Variants in ZNF76 observed in about 807,000 individuals in gnomAD.
The protein encoded by ZNF76 is zinc finger protein 76.
ZNF76 carries 66 observed loss-of-function variants against 66.9 expected under a neutral mutation model. The observed-to-expected ratio is 0.99, with a 90% confidence interval of 0.81 to 1.21. ZNF76 has a LOEUF of 1.21. Ranked by LOEUF, ZNF76 falls within the 50% of genes most tolerant of loss-of-function variation. ZNF76 has a pLI of 0.00. For missense variants in ZNF76, 729 were observed against 760.3 expected, an observed-to-expected ratio of 0.96 and a Z score of 0.48; for synonymous variants, 275 against 296.1, an observed-to-expected ratio of 0.93 and a Z score of 0.73.
intron 1 of ZNF76, among the ~76,000 whole-genome samples, chr6:35,272,111 A>G (rs938304844): frequency 2.6e-5 from 4 of 152,022 alleles, no homozygotes; most frequent in African/African-American, 7.3e-5. Context: ...TCTCAAAGCA[A>G]CAACAACAAC....
At chr6:35,294,614 G>A in intron 13 of ZNF76, 45 bp downstream of exon 13, 1 of 1,354,580 alleles carries the variant, frequency 7.4e-7, no homozygotes, top group South Asian at 1.2e-5. Flanking sequence ...GGCCAGAGAA[G>A]TCAACAAGGA....
In ZNF76 at chr6:35,291,377, T is replaced by C; in HGVS notation, c.725T>C (p.Leu242Pro). The change falls in exon 8 of 14, where the codon CTG (leucine) becomes CCG (proline). Residue 242 changes from leucine to proline, a missense_variant. By Grantham distance (98) the Leu-to-Pro change is moderately conservative (BLOSUM62 -3). Transcript: ENST00000373953. The stretch of plus-strand genomic sequence containing the variant: ...AAGGCCTTCAAGACCTCAGGAGACC[T>C]GCAGAAGCATGTCCGTACCCACACT... ...CSKAFKTSGDLQKHVRTHTGE... is the reference protein window; with the variant it reads ...CSKAFKTSGDPQKHVRTHTGE... 1 of 1,614,144 alleles carries C rather than the reference T, an allele frequency of 6.2e-7. No homozygotes were observed. Among genetic ancestry groups the C allele is most frequent in the Non-Finnish European group, 8.5e-7 (1 of 1,180,012 alleles).
intron 1 of ZNF76, among the ~76,000 whole-genome samples, chr6:35,271,058 G>C (rs1369418834): frequency 6.6e-6 from 1 of 152,182 alleles, no homozygotes; most frequent in East Asian, 1.9e-4. Context: ...ATGTCAATAT[G>C]TAAGGAGCTT....
chr6:35,266,901 C>G (rs954994733), intron 1 of ZNF76, among the ~76,000 whole-genome samples: 7 of 145,106 alleles, frequency 4.8e-5, no homozygotes, highest in Non-Finnish European at 1.0e-4. Flanking sequence ...CCCGGGTTCA[C>G]GCCATTCTCC....
chr6:35,282,630 C>A (rs575429187), intron 2 of ZNF76, among the ~76,000 whole-genome samples: 3 of 152,134 alleles, frequency 2.0e-5, no homozygotes, highest in Non-Finnish European at 1.5e-5. Flanking sequence ...GTTCATTTGG[C>A]GTTTTCTGGA....
rs1202110584 is a variant in ZNF76 at position 35,287,356 on chromosome 6, G to A, written c.233-290G>A. 2.6e-5 allele frequency among the ~76,000 whole-genome samples: 4 copies of A among 152,256 alleles called. No homozygotes were observed. Among genetic ancestry groups the A allele is most frequent in the East Asian group, 3.9e-4 (2 of 5,178 alleles). ...GAGGGAACTAGAGGGGGTGAGGAGC[G>A]ACTGGTCAGGAGGCTATTGTGGTCA... On this transcript the variant is annotated intron_variant, in intron 4 of 13. Coordinates refer to ENST00000373953, the MANE Select transcript of ZNF76 (RefSeq NM_003427.5). This position sits in a 1 kb window ranked among gnomAD's most constrained non-coding sequence, Gnocchi z 4.0.
intron 1 of ZNF76, among the ~76,000 whole-genome samples, chr6:35,266,915 C>T (rs985265058): frequency 6.7e-6 from 1 of 149,172 alleles, no homozygotes; most frequent in Non-Finnish European, 1.5e-5. Context: ...ATTCTCCTGC[C>T]TCAGCCTCCT....
chr6:35,272,725 A>G (rs902553955), intron 1 of ZNF76, among the ~76,000 whole-genome samples: 27 of 152,298 alleles, frequency 1.8e-4, no homozygotes, highest in Admixed American at 9.1e-4. Context: ...CAAAGCCTCA[A>G]CTTCCTGGGC....
rs1468262662 is a variant in ZNF76 at position 35,293,957 on chromosome 6, TC to T, written c.1494+44del. ...TGCTTGGGGTTTCTTATTTTGTCAT[TC>T]CTTTCCATGGGGCGGGCATTAAAGT... On this transcript the variant is annotated intron_variant, in intron 12 of 13. Transcript: ENST00000373953. The T allele has an allele frequency of 1.9e-6, 3 of 1,606,024 alleles. No homozygotes were observed. In the South Asian group the frequency reaches 3.3e-5, roughly 18 times the overall value.
chr6:35,262,624 C>T (rs541482282), intron 1 of ZNF76, among the ~76,000 whole-genome samples: 1 of 152,312 alleles, frequency 6.6e-6, no homozygotes, highest in East Asian at 1.9e-4. Flanking sequence ...AGTTGCCTTT[C>T]ATCCTATTTT....
chr6:35,262,611 C>T (rs1785418333), intron 1 of ZNF76, among the ~76,000 whole-genome samples: 1 of 152,150 alleles, frequency 6.6e-6, no homozygotes, highest in Non-Finnish European at 1.5e-5. Flanking sequence ...AACCATCTAG[C>T]CCAGTTGCCT....
At position 35,292,905 on chromosome 6, in the gene ZNF76, C is replaced by G; in HGVS notation, c.1190C>G (p.Pro397Arg). The G allele has an allele frequency of 6.2e-7, 1 of 1,614,142 alleles. No homozygotes were observed. Among genetic ancestry groups the G allele is most frequent in the Non-Finnish European group, 8.5e-7 (1 of 1,180,046 alleles). ...LEAASAAEES[P>R]PPKRPRIAYL... ...GCCGCCTCTGCAGCCGAGGAGAGTCCGCCACCCAAACGACCCCGGATAGCT... is the reference window on the plus strand; with the variant it reads ...GCCGCCTCTGCAGCCGAGGAGAGTCGGCCACCCAAACGACCCCGGATAGCT... The change falls in exon 11 of 14, where the codon CCG becomes CGG. Residue 397 changes from proline to arginine, a missense_variant. By Grantham distance (103) the Pro-to-Arg change is moderately radical. Transcript: ENST00000373953. This position sits in a 1 kb window ranked among gnomAD's most constrained non-coding sequence, Gnocchi z 4.7.
chr6:35,288,243 A>G, intron 5 of ZNF76: 1 of 406,940 alleles, frequency 2.5e-6, no homozygotes, highest in Non-Finnish European at 4.9e-6. Flanking sequence ...TTTCTAGTCC[A>G]CTGAGGTAAT....
At chr6:35,269,212 C>T (rs777366499) in intron 1 of ZNF76, among the ~76,000 whole-genome samples, 17 of 132,080 alleles carry the variant, frequency 1.3e-4, no homozygotes, top group Non-Finnish European at 2.3e-4. Context: ...ACCTGGGAGG[C>T]GGAGGTTGTG....
chr6:35,275,743 C>T (rs929146591), intron 1 of ZNF76, among the ~76,000 whole-genome samples: 3 of 152,072 alleles, frequency 2.0e-5, no homozygotes, highest in African/African-American at 4.8e-5. Context: ...AGCCTGTACG[C>T]GAGAACATGA....
rs992516268 is a variant in ZNF76, at chr6:35,280,527, C to G, written c.-96-529C>G. Among the ~76,000 whole-genome samples the G allele has an allele frequency of 1.2e-3, 167 of 137,612 alleles. 3 individuals are homozygous for G. The East Asian group carries it at 0.013, about 11-fold the overall frequency. The allele number at this position is 137,612 out of a possible 152,430, so 90.3% of individuals were successfully genotyped here. ...GGACTCAAGCATGATCCCCCCCCCCCCCGCCCTGAAGTTCTGGGTGGAAGG... is the reference window on the plus strand; with the variant it reads ...GGACTCAAGCATGATCCCCCCCCCCGCCGCCCTGAAGTTCTGGGTGGAAGG... On this transcript the variant is annotated intron_variant, in intron 1 of 13. Transcript: ENST00000373953.
chr6:35,292,603 C>T lies in ZNF76; in HGVS notation c.981C>T (p.Thr327=), dbSNP rs770353581. The part of the protein sequence containing the change: ...CTVPGCGKRF[T]EYSSLYKHHV... ...TGCCAGGCTGCGGGAAACGCTTCAC[C>T]GAGTACTCGAGCTTGTATAAGCACC... The change falls in exon 10 of 14, where the codon ACC becomes ACT. Residue 327 remains threonine (T), a synonymous_variant. Transcript: ENST00000373953. This position sits in a 1 kb window ranked among gnomAD's most constrained non-coding sequence, Gnocchi z 4.7. 7.5e-5 allele frequency: 121 copies of T among 1,613,712 alleles called. No individual in the cohort carries two copies. Among genetic ancestry groups the T allele is most frequent in the Non-Finnish European group, 9.6e-5 (113 of 1,180,038 alleles).
chr6:35,269,140 G>T (rs1196078493), intron 1 of ZNF76, among the ~76,000 whole-genome samples: 2 of 151,918 alleles, frequency 1.3e-5, no homozygotes, highest in Non-Finnish European at 2.9e-5. Context: ...AATTTGCCGG[G>T]CATGGTGGCA....
intron 3 of ZNF76, 32 bp downstream of exon 3, chr6:35,286,240 G>A (rs189810610): frequency 2.7e-5 from 44 of 1,613,524 alleles, no homozygotes; most frequent in African/African-American, 6.7e-5. Context: ...ATGCCTTGTC[G>A]AGGGAAGCCT....
Sources: allele counts gnomAD v4.1 joint callset (sites outside exome capture counted in the v4.1 genomes callset), GRCh38; gene constraint gnomAD v4.1.1; non-coding constraint Gnocchi (gnomAD v3.1); transcripts MANE v1.5; gene names NCBI Gene and HGNC (gene_info 2026-07-23, HGNC 2026-07-21).